Variants in PRSS53 observed in about 807,000 individuals in gnomAD.
PRSS53 encodes the protein serine protease 53, also known as EDTP308.
PRSS53 carries 54 observed loss-of-function variants against 62.7 expected under a neutral mutation model. That is an observed-to-expected ratio of 0.86 (90% CI 0.69 to 1.08). The LOEUF (loss-of-function observed/expected upper bound fraction) is 1.08, where lower values mean the gene tolerates loss of function less well. PRSS53 is among the 50% of genes least tolerant of loss of function. The pLI is 0.00. For synonymous variants in PRSS53, 273 were observed against 300.0 expected (o/e 0.91, Z 0.93); for missense variants, 688 against 728.3 (o/e 0.94, Z 0.64).
chr16:31,086,178 A>G (rs2057231721), exon 6 of PRSS53: 1 of 1,610,580 alleles, frequency 6.2e-7, no homozygotes, highest in Non-Finnish European at 8.5e-7. Context: ...GGCCCCCGGA[A>G]TCTCCCTGGA....
At chr16:31,084,303 C>T in exon 10 of PRSS53, 3 of 1,612,918 alleles carry the variant, frequency 1.9e-6, no homozygotes, top group Non-Finnish European at 2.5e-6. Context: ...ATGTGCCCCT[C>T]ACCTCATGCA....
intron 3 of PRSS53, 65 bp from the exon 4 acceptor site, chr16:31,086,963 C>A (rs1197173088): frequency 2.7e-6 from 4 of 1,480,084 alleles, no homozygotes; most frequent in Non-Finnish European, 3.6e-6. Context: ...CCATGGGAGA[C>A]CCCACAGGTA....
chr16:31,084,783 CT>C lies in PRSS53; in HGVS notation c.1275del (p.Ala426GlnfsTer11). The C allele has an allele frequency of 6.4e-7, 1 of 1,556,334 alleles. No individual in the cohort carries two copies. Among genetic ancestry groups the C allele is most frequent in the Non-Finnish European group, 8.7e-7 (1 of 1,147,616 alleles). On this transcript the variant is annotated frameshift_variant, in exon 8 of 11. Coordinates refer to ENST00000280606, the Ensembl canonical transcript of PRSS53. LOFTEE classifies it high-confidence loss of function. ...CCCTGGCCCTGTGCCCACCTACCTG[CT>C]CCTGGGCGGGCCCGTCCCAGAACCC...
At chr16:31,085,316 C>T in intron 6 of PRSS53, 56 bp from the exon 7 acceptor site, 9 of 1,466,348 alleles carry the variant, frequency 6.1e-6, no homozygotes, top group Non-Finnish European at 8.1e-6. Context: ...CACTTCCCAT[C>T]AAATCCTCAC....
At position 31,086,904 on chromosome 16, in the gene PRSS53, AG is replaced by A. The variant is rs1398851487; in HGVS notation, c.243-7del. On this transcript the variant is annotated splice_region_variant and splice_polypyrimidine_tract_variant and intron_variant, in intron 3 of 10. Coordinates refer to ENST00000280606, the Ensembl canonical transcript of PRSS53. ...TCAGTTCTGTTGCTGCTGCCCTGGA[AG>A]GGGAAGGACAAGGTCCAGGCTGCTG... The A allele has an allele frequency of 1.3e-6, 2 of 1,584,228 alleles. No individual in the cohort carries two copies. Among genetic ancestry groups the A allele is most frequent in the Non-Finnish European group, 1.7e-6 (2 of 1,164,486 alleles).
At chr16:31,084,207 C>T (rs1188666678) in exon 10 of PRSS53, 2 of 1,611,402 alleles carry the variant, frequency 1.2e-6, no homozygotes, top group South Asian at 1.1e-5. Flanking sequence ...TGACCCAGTC[C>T]TCATAGGCAG....
At chr16:31,085,476 C>T (rs1567416328) in intron 6 of PRSS53, among the ~76,000 whole-genome samples, 1 of 152,172 alleles carries the variant, frequency 6.6e-6, no homozygotes, top group Non-Finnish European at 1.5e-5. Flanking sequence ...CCCTGTTGGT[C>T]TGATGGGACC....
Position 31,085,129 on chromosome 16 carries a change from CAGTT to C in PRSS53, c.1011_1014del (p.Thr338LeufsTer16), listed in dbSNP as rs767525494. 6.2e-7 allele frequency: 1 copy of C among 1,612,626 alleles called. No individual in the cohort carries two copies. The highest frequency in any genetic ancestry group is 8.5e-7 in the Non-Finnish European group (1 of 1,179,538). ...ACTCACCCAATGAAGCAGTGGGCAG[CAGTT>C]AGCACCGCCTCCTCTGACACCAGGG... On this transcript the variant is annotated frameshift_variant, in exon 7 of 11. Coordinates refer to ENST00000280606, the Ensembl canonical transcript of PRSS53. LOFTEE classifies it high-confidence loss of function.
At chr16:31,083,970 G>A in intron 10 of PRSS53, 149 bp downstream of exon 10, 2 of 1,501,846 alleles carry the variant, frequency 1.3e-6, no homozygotes, top group Non-Finnish European at 1.8e-6. Flanking sequence ...GTCACACGAT[G>A]ACAAAGAACC....
chr16:31,083,730 G>A, exon 11 of PRSS53: 3 of 1,613,526 alleles, frequency 1.9e-6, no homozygotes, highest in South Asian at 2.2e-5. Context: ...GGGAGGACAG[G>A]GGCAGTAATG....
At chr16:31,084,053 G>T in intron 10 of PRSS53, 66 bp downstream of exon 10, 1 of 1,528,160 alleles carries the variant, frequency 6.5e-7, no homozygotes, top group Non-Finnish European at 8.8e-7. Context: ...AGAACGGCAC[G>T]TTCTCACTGG....
At chr16:31,085,931 C>T in intron 6 of PRSS53, 33 bp downstream of exon 6, 1 of 1,578,798 alleles carries the variant, frequency 6.3e-7, no homozygotes, top group Non-Finnish European at 8.7e-7. Context: ...TTCACAGTGG[C>T]TTCTGCCCAC....
exon 4 of PRSS53, chr16:31,086,733 G>T (rs1297573811): frequency 1.3e-6 from 2 of 1,595,862 alleles, no homozygotes; most frequent in Non-Finnish European, 1.7e-6. Flanking sequence ...GGGTCGTGGG[G>T]TGGGCGAGCT....
intron 7 of PRSS53, 37 bp downstream of exon 7, chr16:31,085,073 G>GGGCAGGGGGCACAGCAGA: frequency 6.2e-7 from 1 of 1,612,410 alleles, no homozygotes; most frequent in African/African-American, 1.3e-5. Flanking sequence ...CTGCCGGCAG[G>GGGCAGGGGGCACAGCAGA]GGCAGGGGGC....
chr16:31,085,124 G>A (rs1044646447), exon 7 of PRSS53: 6 of 1,612,738 alleles, frequency 3.7e-6, no homozygotes, highest in Non-Finnish European at 5.1e-6. Flanking sequence ...TGAAGCAGTG[G>A]GCAGCAGTTA....
At chr16:31,088,410 T>G in intron 1 of PRSS53, 1 of 1,181,750 alleles carries the variant, frequency 8.5e-7, no homozygotes, top group Non-Finnish European at 1.1e-6. Flanking sequence ...AGAGGATGGA[T>G]GAAAAGAAAG....
At chr16:31,084,817 C>T (rs1165898080) in exon 8 of PRSS53, 2 of 1,541,584 alleles carry the variant, frequency 1.3e-6, no homozygotes. Context: ...CCCAGCCACG[C>T]TCCCCATCAG....
rs780276626 is a variant in PRSS53, at chr16:31,086,341, CAG to C, written c.657_658del (p.Cys220SerfsTer14). On this transcript the variant is annotated frameshift_variant, in exon 5 of 11. Transcript: ENST00000280606. LOFTEE classifies it high-confidence loss of function. ...CTTCTCTTCTCCCTATCAGACCTGA[CAG>C]GGGCCCTGCACCCCAGGCTGGGGGC... The C allele has an allele frequency of 5.0e-5, 80 of 1,610,538 alleles. No homozygotes were observed. In the African/African-American group the frequency reaches 9.2e-4, roughly 19 times the overall value.
exon 8 of PRSS53, chr16:31,084,983 C>G (rs765051260): frequency 6.4e-7 from 1 of 1,572,152 alleles, no homozygotes; most frequent in Non-Finnish European, 8.6e-7. Flanking sequence ...CTCCTCCGGT[C>G]TGGTCCCCAG....
Sources: gnomAD v4.1 joint callset for allele counts (sites outside exome capture counted in the v4.1 genomes callset) on GRCh38, gnomAD v4.1.1 for gene constraint, MANE v1.5 for transcripts, NCBI Gene and HGNC (gene_info 2026-07-23, HGNC 2026-07-21) for gene names.